The following LYST variants were observed in gnomAD, a reference collection of about 807,000 sequenced individuals.
The protein encoded by LYST is lysosomal trafficking regulator, also known as lysosomal-trafficking regulator.
Under a neutral mutation model 413.6 loss-of-function variants are expected in LYST, and 192 were observed. That is an observed-to-expected ratio of 0.46 (90% CI 0.41 to 0.52). The LOEUF is 0.52. Ranked by LOEUF, LYST falls within the 20% of genes least tolerant of loss-of-function variation. LYST has a pLI of 0.00. For synonymous variants in LYST, 1,525 were observed against 1,567.3 expected (o/e 0.97, Z 0.64); for missense variants, 3,815 against 4,499.9 (o/e 0.85, Z 4.35).
intron 12 of LYST, among the ~76,000 whole-genome samples, chr1:235,791,245 G>A (rs1201595151): frequency 1.3e-5 from 2 of 152,076 alleles, no homozygotes; most frequent in South Asian, 2.1e-4. Flanking sequence ...TCGCGCCATT[G>A]CACTCTAGCC....
chr1:235,730,546 T>G (rs574965493), intron 36 of LYST, among the ~76,000 whole-genome samples: 1 of 150,654 alleles, frequency 6.6e-6, no homozygotes, highest in Non-Finnish European at 1.5e-5. Flanking sequence ...CCCATATATG[T>G]GTATATATAT....
chr1:235,795,931 T>C (rs1053698076), intron 10 of LYST, among the ~76,000 whole-genome samples: 1 of 152,038 alleles, frequency 6.6e-6, no homozygotes, highest in Non-Finnish European at 1.5e-5. Context: ...CAAGGAGATA[T>C]TATATCCTTA....
At chr1:235,738,551 C>A in intron 31 of LYST, 1 of 1,611,304 alleles carries the variant, frequency 6.2e-7, no homozygotes, top group Non-Finnish European at 8.5e-7. Context: ...ACACATTAAG[C>A]TGTCATGGGT....
intron 40 of LYST, among the ~76,000 whole-genome samples, chr1:235,718,973 C>T (rs1663090190): frequency 6.6e-6 from 1 of 152,118 alleles, no homozygotes; most frequent in Admixed American, 6.6e-5. Flanking sequence ...TCAGACTATC[C>T]TATCTTTGGC....
At chr1:235,663,148 T>A (rs1658168238) in intron 52 of LYST, 70 bp from the exon 53 acceptor site, 2 of 1,068,532 alleles carry the variant, frequency 1.9e-6, no homozygotes, top group Non-Finnish European at 2.9e-6. Context: ...TTGGTCATCA[T>A]ACTGAGGTTA....
chr1:235,741,691 T>C, intron 30 of LYST, 63 bp from the exon 31 acceptor site: 2 of 1,167,956 alleles, frequency 1.7e-6, no homozygotes. Context: ...CATGCTAGCC[T>C]CAACACAGCC....
chr1:235,682,173 T>C (rs1303355197), intron 48 of LYST, among the ~76,000 whole-genome samples: 1 of 152,126 alleles, frequency 6.6e-6, no homozygotes, highest in African/African-American at 2.4e-5. Flanking sequence ...TAGTAGGGCA[T>C]TGTGGTGTGT....
chr1:235,773,447 T>C (rs1668913859), intron 19 of LYST, among the ~76,000 whole-genome samples: 2 of 152,176 alleles, frequency 1.3e-5, no homozygotes, highest in Non-Finnish European at 2.9e-5. Context: ...GTGATAAATA[T>C]ATAGAACGGA....
chr1:235,669,601 T>C (rs1185724743), intron 50 of LYST, among the ~76,000 whole-genome samples: 3 of 152,200 alleles, frequency 2.0e-5, no homozygotes. Context: ...TTGGTGGTTT[T>C]AGGCAACCCA....
intron 48 of LYST, among the ~76,000 whole-genome samples, chr1:235,679,606 G>C (rs1196428220): frequency 6.6e-6 from 1 of 151,696 alleles, no homozygotes; most frequent in Non-Finnish European, 1.5e-5. Context: ...TCTATTTGTG[G>C]AACAGAATGC....
chr1:235,751,156 G>C (rs1666454195), intron 28 of LYST, 54 bp downstream of exon 28: 1 of 1,513,266 alleles, frequency 6.6e-7, no homozygotes, highest in Non-Finnish European at 9.2e-7. Context: ...AAGAACATAG[G>C]AAAGTCAAGC....
chr1:235,849,354 A>G (rs1242032785), intron 1 of LYST, among the ~76,000 whole-genome samples: 5 of 152,180 alleles, frequency 3.3e-5, no homozygotes, highest in Admixed American at 2.6e-4. Context: ...ATCGGCATAC[A>G]AGGGTCATAC....
chr1:235,738,947 T>C, intron 31 of LYST: 1 of 730,698 alleles, frequency 1.4e-6, no homozygotes, highest in Non-Finnish European at 2.6e-6. Flanking sequence ...TGAAGAACAG[T>C]GCAGATCCAC....
chr1:235,869,256 AG>A (rs1680819122), upstream of LYST, among the ~76,000 whole-genome samples: 1 of 152,124 alleles, frequency 6.6e-6, no homozygotes, highest in Non-Finnish European at 1.5e-5. Context: ...GCAGATCACG[AG>A]GTCAGGAGAT....
At chr1:235,812,891 A>T (rs1673610373) in intron 4 of LYST, 80 bp downstream of exon 4, 1 of 823,930 alleles carries the variant, frequency 1.2e-6, no homozygotes. Flanking sequence ...AATCTGAATC[A>T]GAATCAAACA....
At chr1:235,786,882 C>T (rs188395674) in intron 14 of LYST, among the ~76,000 whole-genome samples, 2,074 of 123,344 alleles carry the variant, frequency 0.017, 54 homozygotes, top group African/African-American at 0.062. Context: ...GGAAACATCA[C>T]ACACTGGGGC....
At chr1:235,838,497 CATCTT>C (rs1238724806) in intron 1 of LYST, among the ~76,000 whole-genome samples, 1 of 152,190 alleles carries the variant, frequency 6.6e-6, no homozygotes, top group Non-Finnish European at 1.5e-5. Context: ...CTTTATTGCT[CATCTT>C]TTCTTTAAGT....
At chr1:235,875,291 C>G (rs1384236975) in intron 1 of LYST, among the ~76,000 whole-genome samples, 1 of 152,142 alleles carries the variant, frequency 6.6e-6, no homozygotes, top group Non-Finnish European at 1.5e-5. Flanking sequence ...GATCACTATT[C>G]CCTATTTCCT....
In LYST at chr1:235,809,011, C is replaced by T. The variant is rs757381951; in HGVS notation, c.1807G>A (p.Ala603Thr). 6.2e-7 allele frequency: 1 copy of T among 1,613,972 alleles called. No homozygotes were observed. Among genetic ancestry groups the T allele is most frequent in the African/African-American group, 1.3e-5 (1 of 75,034 alleles). The change falls in exon 5 of 53, where the codon GCA becomes ACA. Residue 603 changes from alanine to threonine, a missense_variant. Physicochemically the swap from Ala to Thr is moderately conservative, Grantham distance 58. Coordinates refer to ENST00000389793, the MANE Select transcript of LYST (RefSeq NM_000081.4). The surrounding 1 kb of genome is among the most constrained non-coding windows in gnomAD (Gnocchi z 4.0). ...IPLLHAFKLPALKNFQQHILN... is the reference protein window; with the variant it reads ...IPLLHAFKLPTLKNFQQHILN... ...ATATGCTGCTGAAAATTTTTCAGTG[C>T]TGGCAATTTAAAAGCATGGAGCAAA...
Sources: allele counts gnomAD v4.1 joint callset (sites outside exome capture counted in the v4.1 genomes callset), GRCh38; gene constraint gnomAD v4.1.1; non-coding constraint Gnocchi (gnomAD v3.1); transcripts MANE v1.5; gene names NCBI Gene and HGNC (gene_info 2026-07-23, HGNC 2026-07-21).